The following MAP2K1 variants were observed in gnomAD, a reference collection of about 807,000 sequenced individuals.
MAP2K1 encodes mitogen-activated protein kinase kinase 1.
MAP2K1 carries 16 observed loss-of-function variants against 46.3 expected under a neutral mutation model. The observed-to-expected ratio is 0.35, with a 90% CI of 0.23 to 0.52. The LOEUF (loss-of-function observed/expected upper bound fraction) is 0.52. Among genes scored for constraint, MAP2K1 ranks in the 20% least tolerant of loss-of-function variants. The pLI is 0.94. For missense variants in MAP2K1, 263 were observed against 497.1 expected, an observed-to-expected ratio of 0.53 and a Z score of 4.48; for synonymous variants, 183 against 185.6, an observed-to-expected ratio of 0.99 and a Z score of 0.11.
At chr15:66,470,141 G>A (rs1190919817) in intron 5 of MAP2K1, among the ~76,000 whole-genome samples, 1 of 121,030 alleles carries the variant, frequency 8.3e-6, no homozygotes, top group African/African-American at 3.2e-5. Flanking sequence ...CCACTTCAGA[G>A]GCCTCGTTCC....
intron 5 of MAP2K1, among the ~76,000 whole-genome samples, chr15:66,453,223 T>C (rs1206240956): frequency 6.6e-6 from 1 of 152,224 alleles, no homozygotes; most frequent in Non-Finnish European, 1.5e-5. Flanking sequence ...CAACCAGCTT[T>C]CTTTTCCCTT....
intron 5 of MAP2K1, among the ~76,000 whole-genome samples, chr15:66,462,229 C>T (rs1037614468): frequency 2.0e-5 from 3 of 152,050 alleles, no homozygotes; most frequent in African/African-American, 7.2e-5. Context: ...GGGCGGGGCA[C>T]AGTGACTCAC....
intron 5 of MAP2K1, among the ~76,000 whole-genome samples, chr15:66,478,097 C>A (rs1168588989): frequency 6.6e-6 from 1 of 151,768 alleles, no homozygotes; most frequent in African/African-American, 2.4e-5. Context: ...CAGAATCTCC[C>A]CATGGTTCTC....
intron 8 of MAP2K1, chr15:66,488,942 T>C: frequency 1.1e-5 from 6 of 549,746 alleles, no homozygotes; most frequent in South Asian, 1.0e-4. Flanking sequence ...GAATAGTGAT[T>C]AGTTCAAAAT....
At chr15:66,407,089 C>T (rs886520057) in intron 1 of MAP2K1, among the ~76,000 whole-genome samples, 1 of 152,096 alleles carries the variant, frequency 6.6e-6, no homozygotes, top group Non-Finnish European at 1.5e-5. Context: ...CCCAACATCA[C>T]GGGGTTGGGG....
chr15:66,420,781 ATATATATG>A (rs2093437627), intron 1 of MAP2K1, among the ~76,000 whole-genome samples: 1 of 38,486 alleles, frequency 2.6e-5, no homozygotes, highest in East Asian at 9.5e-4. Flanking sequence ...ATATATGTGT[ATATATATG>A]TGTGTATATA....
At chr15:66,447,571 A>G (rs958456592) in intron 5 of MAP2K1, among the ~76,000 whole-genome samples, 1 of 151,292 alleles carries the variant, frequency 6.6e-6, no homozygotes, top group Admixed American at 6.6e-5. Context: ...TGTGCCTGTA[A>G]TCCTGGCTAC....
Position 66,402,119 on chromosome 15 carries a change from T to G in MAP2K1, c.80+14692T>G, listed in dbSNP as rs576977746. 1.3e-4 allele frequency among the ~76,000 whole-genome samples: 20 copies of G among 152,340 alleles called. No homozygotes were observed. In the South Asian group the frequency reaches 2.7e-3, roughly 21 times the overall value. On this transcript the variant is annotated intron_variant, in intron 1 of 10. Transcript: ENST00000307102. ...CATTGTTCCATTGTGTGTAATGTAT[T>G]AAGAAAAAATATTTCATTTTTAAAT... is the stretch of plus-strand genomic sequence containing the variant.
At chr15:66,426,360 C>CA (rs35788598) in intron 1 of MAP2K1, among the ~76,000 whole-genome samples, 102,854 of 138,438 alleles carry the variant, frequency 0.74, 37,535 homozygotes, top group Middle Eastern at 0.8. Context: ...ATCAAGAAGA[C>CA]AAAAAAAAAA....
At chr15:66,424,000 G>A (rs2093450488) in intron 1 of MAP2K1, among the ~76,000 whole-genome samples, 1 of 151,818 alleles carries the variant, frequency 6.6e-6, no homozygotes, top group Admixed American at 6.6e-5. Context: ...TGATCCACCT[G>A]CCTTGGCCTC....
intron 1 of MAP2K1, among the ~76,000 whole-genome samples, chr15:66,406,383 G>A (rs530127937): frequency 1.4e-4 from 21 of 152,274 alleles, no homozygotes; most frequent in African/African-American, 4.1e-4. Flanking sequence ...CTATTAAAAG[G>A]CATTTAAATT....
intron 5 of MAP2K1, among the ~76,000 whole-genome samples, chr15:66,458,675 CCTGA>C (rs1412245321): frequency 1.4e-4 from 21 of 152,120 alleles, no homozygotes; most frequent in Admixed American, 6.6e-5. Flanking sequence ...TGCTATCATG[CCTGA>C]CTAATTTTAA....
intron 5 of MAP2K1, among the ~76,000 whole-genome samples, chr15:66,475,479 C>T (rs565148656): frequency 2.6e-5 from 4 of 152,198 alleles, no homozygotes; most frequent in Non-Finnish European, 5.9e-5. Context: ...CCTTCCACCT[C>T]TTCTCTTTCT....
At chr15:66,435,584 C>T (rs2093485889) in intron 2 of MAP2K1, among the ~76,000 whole-genome samples, 2 of 151,974 alleles carry the variant, frequency 1.3e-5, no homozygotes, top group Admixed American at 1.3e-4. Context: ...CGCCTCAGCC[C>T]CACAAAGTGC....
intron 1 of MAP2K1, among the ~76,000 whole-genome samples, chr15:66,391,376 C>T (rs975629615): frequency 2.0e-5 from 3 of 152,210 alleles, no homozygotes; most frequent in South Asian, 2.1e-4. Flanking sequence ...GCAAGCTCCG[C>T]CTCCCAGGTT....
chr15:66,428,967 A>G (rs2093467520), intron 1 of MAP2K1, among the ~76,000 whole-genome samples: 1 of 151,610 alleles, frequency 6.6e-6, no homozygotes, highest in African/African-American at 2.4e-5. Context: ...TTTTGTAGAG[A>G]TGGGGTTTCA....
chr15:66,432,439 A>G (rs1052955957), intron 1 of MAP2K1, among the ~76,000 whole-genome samples: 3 of 152,252 alleles, frequency 2.0e-5, no homozygotes, highest in African/African-American at 7.2e-5. Flanking sequence ...AGAAAAGTGA[A>G]CAGAGTCAGC....
At chr15:66,476,735 G>A (rs1441307123) in intron 5 of MAP2K1, among the ~76,000 whole-genome samples, 8 of 152,316 alleles carry the variant, frequency 5.3e-5, no homozygotes, top group Admixed American at 3.9e-4. Context: ...GGGCTGTCCC[G>A]CTGGAGGAGT....
chr15:66,481,998 G>A (rs571476771), intron 6 of MAP2K1, 119 bp downstream of exon 6: 16 of 1,241,936 alleles, frequency 1.3e-5, no homozygotes, highest in Non-Finnish European at 1.7e-5. Context: ...AGTGAGGGAG[G>A]AGGCACAGTG....
Sources: allele counts gnomAD v4.1 joint callset (sites outside exome capture counted in the v4.1 genomes callset), GRCh38; gene constraint gnomAD v4.1.1; transcripts MANE v1.5; gene names NCBI Gene and HGNC (gene_info 2026-07-23, HGNC 2026-07-21).